PRKAR1A: variants seen among roughly 807,000 people sequenced by gnomAD.
PRKAR1A encodes the protein cAMP-dependent protein kinase type I-alpha regulatory subunit.
In PRKAR1A, 3 loss-of-function variants were observed where a neutral mutation model predicts 52.0. The ratio of observed to expected loss-of-function variants is 0.06; its 90% CI spans 0.03 to 0.15. The LOEUF is 0.15. Ranked by LOEUF, PRKAR1A falls within the 10% of genes least tolerant of loss-of-function variation. PRKAR1A has a pLI of 1.00. For synonymous variants in PRKAR1A, 188 were observed against 168.4 expected, an observed-to-expected ratio of 1.12 and a Z score of -0.90; for missense variants, 240 against 477.4, an observed-to-expected ratio of 0.50 and a Z score of 4.63.
downstream of PRKAR1A, chr17:68,536,075 TAGAG>T (rs1314619616): frequency 6.6e-6 from 3 of 454,106 alleles, no homozygotes; most frequent in South Asian, 1.6e-5. Context: ...GTAGTGATTT[TAGAG>T]AGACACAAAG....
At chr17:68,481,945 G>A in the PRKAR1A span, among the ~76,000 whole-genome samples, 1 of 152,210 alleles carries the variant, frequency 6.6e-6, no homozygotes, top group Admixed American at 6.5e-5. Flanking sequence ...AATGCGCTAG[G>A]TGCCAGGGCA....
intron 11 of PRKAR1A, among the ~76,000 whole-genome samples, chr17:68,542,435 C>T (rs1336893912): frequency 1.3e-5 from 2 of 152,136 alleles, no homozygotes; most frequent in Admixed American, 1.3e-4. Flanking sequence ...GGTGGATAAC[C>T]TCTGGTTCCG....
the PRKAR1A span, chr17:68,430,186 TGG>T: frequency 1.2e-6 from 2 of 1,600,052 alleles, no homozygotes; most frequent in Non-Finnish European, 1.7e-6. Flanking sequence ...CAGGCAACGA[TGG>T]GACTGGGCTG....
At chr17:68,508,004 T>C (rs968734077), upstream of PRKAR1A, among the ~76,000 whole-genome samples, 3 of 152,112 alleles carry the variant, frequency 2.0e-5, no homozygotes, top group East Asian at 1.9e-4. Flanking sequence ...TTTAAGTCAA[T>C]AGACATTGAG....
chr17:68,493,561 T>G, the PRKAR1A span: 1 of 151,988 alleles, frequency 6.6e-6, no homozygotes, highest in Non-Finnish European at 1.5e-5. Flanking sequence ...CAAACTATTC[T>G]TTGCACTGAT....
At chr17:68,429,907 T>C in the PRKAR1A span, 7 of 1,585,808 alleles carry the variant, frequency 4.4e-6, no homozygotes, top group Admixed American at 1.9e-5. Context: ...GTTTTCTTTT[T>C]TTCTTTTCAG....
upstream of PRKAR1A, among the ~76,000 whole-genome samples, chr17:68,508,755 G>A (rs2085227805): frequency 6.6e-6 from 1 of 152,206 alleles, no homozygotes; most frequent in Non-Finnish European, 1.5e-5. Context: ...ACGCTTTAGT[G>A]TTAGATCCAA....
the PRKAR1A span, among the ~76,000 whole-genome samples, chr17:68,465,771 T>A: frequency 3.3e-5 from 5 of 151,794 alleles, no homozygotes; most frequent in Admixed American, 3.3e-4. Flanking sequence ...GCCCGGCCTG[T>A]CTCAGCTTTC....
At chr17:68,476,286 A>G in the PRKAR1A span, among the ~76,000 whole-genome samples, 11 of 152,234 alleles carry the variant, frequency 7.2e-5, no homozygotes, top group African/African-American at 2.7e-4. Flanking sequence ...CACTATGGCT[A>G]GAAGTTGTCA....
At chr17:68,538,247 TTTTATG>T (rs1424739089), downstream of PRKAR1A, among the ~76,000 whole-genome samples, 2 of 152,218 alleles carry the variant, frequency 1.3e-5, no homozygotes, top group African/African-American at 2.4e-5. Flanking sequence ...TTCAGTTTCT[TTTTATG>T]TGGGAATCTG....
chr17:68,479,789 C>A, the PRKAR1A span, among the ~76,000 whole-genome samples: 115 of 152,174 alleles, frequency 7.6e-4, no homozygotes, highest in Non-Finnish European at 1.5e-4. Flanking sequence ...ATTTATAAAG[C>A]AAAGAAGTTT....
At chr17:68,489,440 GTA>G in the PRKAR1A span, among the ~76,000 whole-genome samples, 62,011 of 108,642 alleles carry the variant, frequency 0.57, 19,523 homozygotes, top group East Asian at 0.79. Flanking sequence ...TATATGGAAA[GTA>G]TATATATATA....
the PRKAR1A span, chr17:68,457,592 TCCCCGC>T: frequency 6.2e-5 from 18 of 292,440 alleles, 1 homozygote; most frequent in South Asian, 1.7e-3. Flanking sequence ...CCCCGCCCCG[TCCCCGC>T]CGCGTCCCCG....
At chr17:68,549,977 G>A (rs558015053) in intron 11 of PRKAR1A, among the ~76,000 whole-genome samples, 1 of 152,298 alleles carries the variant, frequency 6.6e-6, no homozygotes. Flanking sequence ...GGCATAGTTA[G>A]CCAACCACTT....
rs118146903 is a variant in PRKAR1A at position 68,538,467 on chromosome 17, A to G, written c.973+8466A>G. Reference sequence around the variant, plus strand: ...GATGTTTTTGCTAGGTGTGAATATCATATTTATAATTAGCTCTGCATACTG... The same window carrying G: ...GATGTTTTTGCTAGGTGTGAATATCGTATTTATAATTAGCTCTGCATACTG... On this transcript the variant is annotated intron_variant, in intron 11 of 11. Transcript: ENST00000585981. Among the ~76,000 whole-genome samples, 26 of 152,342 alleles carry G rather than the reference A, an allele frequency of 1.7e-4. 1 individual carries two copies. The East Asian group carries it at 4.8e-3, about 28-fold the overall frequency.
chr17:68,540,913 G>T (rs2086258492), intron 11 of PRKAR1A: 1 of 1,603,648 alleles, frequency 6.2e-7, no homozygotes. Flanking sequence ...TGTTGTACGG[G>T]TAGATCTGTT....
the PRKAR1A span, among the ~76,000 whole-genome samples, chr17:68,502,378 T>G: frequency 1.3e-5 from 2 of 151,762 alleles, no homozygotes; most frequent in South Asian, 4.2e-4. Flanking sequence ...ATGTGACACA[T>G]GAAAATTATA....
In PRKAR1A at chr17:68,545,140, A is replaced by C. The variant is rs561145399; in HGVS notation, c.974-5944A>C. ...TACAAAGCGCATAATTTTTCAAGAG[A>C]TACATTTTAAAATGATAGTATTTTA... On this transcript the variant is annotated intron_variant, in intron 11 of 11. Coordinates refer to the PRKAR1A transcript ENST00000585981. Among the ~76,000 whole-genome samples, 280 of 152,354 alleles carry C rather than the reference A, an allele frequency of 1.8e-3. 1 individual carries two copies. Among genetic ancestry groups the C allele is most frequent in the African/African-American group, 6.4e-3 (268 of 41,594 alleles).
the PRKAR1A span, among the ~76,000 whole-genome samples, chr17:68,466,508 T>C: frequency 5.4e-5 from 8 of 147,460 alleles, no homozygotes; most frequent in Admixed American, 1.4e-4. Flanking sequence ...GCCTCCCAGG[T>C]TCAAGCGATT....
Sources: allele counts gnomAD v4.1 joint callset (sites outside exome capture counted in the v4.1 genomes callset), GRCh38; gene constraint gnomAD v4.1.1; transcripts MANE v1.5; gene names NCBI Gene and HGNC (gene_info 2026-07-23, HGNC 2026-07-21).